The following NTM variants were observed in gnomAD, a reference collection of about 807,000 sequenced individuals.
NTM encodes IgLON family member 2.
A neutral mutation model predicts 42.1 loss-of-function variants in NTM; 13 were observed. That is an observed-to-expected ratio of 0.31 (90% confidence interval 0.20 to 0.49). The LOEUF (loss-of-function observed/expected upper bound fraction) is 0.49. Among genes scored for constraint, NTM ranks in the 20% least tolerant of loss-of-function variants. The probability of loss-of-function intolerance (pLI) is 0.99; values close to 1 mark genes in which losing one functional copy is unlikely to be tolerated. For missense variants in NTM, 373 were observed against 452.8 expected (o/e 0.82, Z 1.60); for synonymous variants, 187 against 179.2 (o/e 1.04, Z -0.35).
At chr11:131,671,301 C>T (rs557681072) in intron 1 of NTM, 8 of 382,124 alleles carry the variant, frequency 2.1e-5, no homozygotes, top group South Asian at 1.1e-4. Flanking sequence ...CTCCCTGGGG[C>T]GCTATCTGGC....
At chr11:131,696,079 AAG>A (rs2075406441) in intron 1 of NTM, among the ~76,000 whole-genome samples, 1 of 152,212 alleles carries the variant, frequency 6.6e-6, no homozygotes, top group African/African-American at 2.4e-5. Context: ...ACAGACATGA[AAG>A]AACCCACAGC....
intron 2 of NTM, among the ~76,000 whole-genome samples, chr11:132,120,125 T>C (rs958377539): frequency 4.8e-4 from 7 of 14,730 alleles, no homozygotes; most frequent in African/African-American, 4.7e-3. Flanking sequence ...GGCTGATGAT[T>C]TTTTTTTTTT....
At chr11:131,842,048 C>T (rs886584680) in intron 1 of NTM, among the ~76,000 whole-genome samples, 2 of 152,162 alleles carry the variant, frequency 1.3e-5, no homozygotes, top group Non-Finnish European at 2.9e-5. Context: ...CATACAAAAC[C>T]GGTTACCCCA....
intron 1 of NTM, among the ~76,000 whole-genome samples, chr11:131,900,638 TGAGAGAGAGAAAGAGGGAGA>T (rs1565698903): frequency 6.7e-6 from 1 of 148,876 alleles, no homozygotes; most frequent in African/African-American, 2.5e-5. Context: ...GGAAAAAGAC[TGAGAGAGAGAAAGAGGGAGA>T]GAGAGAGAGA....
At chr11:131,673,972 G>A (rs547578545) in intron 1 of NTM, among the ~76,000 whole-genome samples, 3 of 152,342 alleles carry the variant, frequency 2.0e-5, no homozygotes, top group South Asian at 4.1e-4. Flanking sequence ...ATGGCAACTC[G>A]GGGAGATAAT....
intron 1 of NTM, among the ~76,000 whole-genome samples, chr11:131,572,645 A>G (rs1424233308): frequency 6.6e-6 from 1 of 152,192 alleles, no homozygotes; most frequent in Non-Finnish European, 1.5e-5. Flanking sequence ...AATGCATGCC[A>G]GACAAACAAC....
At chr11:132,204,114 G>C (rs1409191992) in intron 3 of NTM, among the ~76,000 whole-genome samples, 1 of 152,186 alleles carries the variant, frequency 6.6e-6, no homozygotes, top group African/African-American at 2.4e-5. Flanking sequence ...ATTCCAGGTA[G>C]ACCTGGGCAG....
At chr11:132,278,144 C>T (rs747630756) in intron 4 of NTM, among the ~76,000 whole-genome samples, 3 of 152,214 alleles carry the variant, frequency 2.0e-5, no homozygotes, top group Non-Finnish European at 4.4e-5. Flanking sequence ...TTACAGCCTA[C>T]CCAATACTTA....
At chr11:132,147,212 TGTGAGA>T (rs1367610861) in intron 3 of NTM, among the ~76,000 whole-genome samples, 176 of 124,702 alleles carry the variant, frequency 1.4e-3, no homozygotes, top group African/African-American at 3.5e-3. Flanking sequence ...TGTGTGTGTG[TGTGAGA>T]GAGAGAGAGA....
chr11:131,576,507 G>A (rs1029858495), intron 1 of NTM, among the ~76,000 whole-genome samples: 4 of 151,988 alleles, frequency 2.6e-5, no homozygotes, highest in African/African-American at 4.8e-5. Context: ...CTGTCTTTCC[G>A]CTTCTTCCTT....
At chr11:131,380,692 C>A (rs189776296) in intron 1 of NTM, among the ~76,000 whole-genome samples, 1 of 152,250 alleles carries the variant, frequency 6.6e-6, no homozygotes, top group East Asian at 1.9e-4. Context: ...CATAGCACAG[C>A]CCCTGGGACA....
rs1950703418 is a variant in NTM, at chr11:131,454,288, CAT to C, written c.82+83403_82+83404del. On this transcript the variant is annotated intron_variant, in intron 1 of 8. Transcript: ENST00000683400. ...ATAGGTATGTATGTATAAGAAAAAA[CAT>C]ATTAACCTATGTGGGGTTCTGTACT... Among the ~76,000 whole-genome samples, 3 of 152,266 alleles carry C rather than the reference CAT, an allele frequency of 2.0e-5. No individual in the cohort carries two copies. In the South Asian group the frequency reaches 6.2e-4, roughly 32 times the overall value.
chr11:131,796,286 C>A, intron 1 of NTM: 2 of 537,578 alleles, frequency 3.7e-6, no homozygotes, highest in Non-Finnish European at 4.8e-6. Context: ...TGCTGCCTGC[C>A]TGGCTGTGCT....
intron 2 of NTM, among the ~76,000 whole-genome samples, chr11:132,137,429 G>A (rs1054569002): frequency 2.0e-5 from 3 of 152,216 alleles, no homozygotes; most frequent in Non-Finnish European, 4.4e-5. Context: ...GGCCTTTGCA[G>A]AGTTCTTCAT....
chr11:131,565,985 A>T (rs2056841455), intron 1 of NTM, among the ~76,000 whole-genome samples: 1 of 152,174 alleles, frequency 6.6e-6, no homozygotes, highest in African/African-American at 2.4e-5. Flanking sequence ...TTAGAAAAGG[A>T]TGGGTAACCT....
intron 1 of NTM, among the ~76,000 whole-genome samples, chr11:131,837,230 C>G (rs937771718): frequency 1.3e-5 from 2 of 152,150 alleles, no homozygotes; most frequent in Non-Finnish European, 2.9e-5. Context: ...AGGCATCTAC[C>G]GAATTTGCAC....
At chr11:131,466,984 C>T (rs564110703) in intron 1 of NTM, among the ~76,000 whole-genome samples, 15 of 152,320 alleles carry the variant, frequency 9.8e-5, no homozygotes, top group Middle Eastern at 3.4e-3. Context: ...TGTGCATACA[C>T]GTACACACAC....
At chr11:131,844,539 A>G (rs1212683521) in intron 1 of NTM, among the ~76,000 whole-genome samples, 3 of 152,114 alleles carry the variant, frequency 2.0e-5, no homozygotes, top group African/African-American at 7.2e-5. Context: ...ATTAAATAAA[A>G]CTTATAGAAT....
chr11:131,476,817 T>G (rs1372299675), intron 1 of NTM, among the ~76,000 whole-genome samples: 2 of 141,244 alleles, frequency 1.4e-5, no homozygotes, highest in African/African-American at 5.0e-5. Flanking sequence ...TCTCTAATCT[T>G]TATCTCAGGG....
Sources: gnomAD v4.1 joint callset for allele counts (sites outside exome capture counted in the v4.1 genomes callset) on GRCh38, gnomAD v4.1.1 for gene constraint, MANE v1.5 for transcripts, NCBI Gene and HGNC (gene_info 2026-07-23, HGNC 2026-07-21) for gene names.